Variants in ATP6V1A observed in about 807,000 individuals in gnomAD.
The protein encoded by ATP6V1A is ATPase H+ transporting V1 subunit A, also known as V-type proton ATPase catalytic subunit A.
Under a neutral mutation model 70.1 loss-of-function variants are expected in ATP6V1A, and 18 were observed. The observed-to-expected ratio is 0.26, with a 90% CI of 0.18 to 0.38. ATP6V1A has a LOEUF of 0.38. ATP6V1A is among the 10% of genes least tolerant of loss of function. The probability of loss-of-function intolerance (pLI) is 1.00; values close to 1 mark genes in which losing one functional copy is unlikely to be tolerated. For missense variants in ATP6V1A, 424 were observed against 772.4 expected, an observed-to-expected ratio of 0.55 and a Z score of 5.35; for synonymous variants, 232 against 253.8, an observed-to-expected ratio of 0.91 and a Z score of 0.82.
intron 8 of ATP6V1A, among the ~76,000 whole-genome samples, chr3:113,790,539 A>C (rs755789178): frequency 6.6e-6 from 1 of 152,206 alleles, no homozygotes; most frequent in African/African-American, 2.4e-5. Context: ...AAGACAATTC[A>C]TGTGTTAATG....
chr3:113,804,511 C>T (rs955018388), intron 13 of ATP6V1A, among the ~76,000 whole-genome samples: 27 of 152,032 alleles, frequency 1.8e-4, no homozygotes, highest in African/African-American at 6.0e-4. Context: ...GAGAATTTAG[C>T]CCTTTCATGC....
intron 1 of ATP6V1A, among the ~76,000 whole-genome samples, chr3:113,754,030 C>T (rs1249771825): frequency 6.6e-6 from 1 of 151,966 alleles, no homozygotes; most frequent in Non-Finnish European, 1.5e-5. Flanking sequence ...CTGGTTGTCA[C>T]CGTTGGAAAG....
In ATP6V1A at chr3:113,795,959, A is replaced by G. The variant is rs776077002; in HGVS notation, c.1290+20A>G. The G allele has an allele frequency of 1.9e-6, 3 of 1,590,446 alleles. No individual in the cohort carries two copies. Among genetic ancestry groups the G allele is most frequent in the Non-Finnish European group, 2.6e-6 (3 of 1,167,950 alleles). On this transcript the variant is annotated intron_variant, in intron 11 of 14. Coordinates refer to ENST00000273398, the MANE Select transcript of ATP6V1A (RefSeq NM_001690.4). ...GTTCAGGTATGTCTTTCCCTAGTAT[A>G]GTCAACTTCTGAGCCTTTCCTCCTC...
chr3:113,784,970 T>G, intron 5 of ATP6V1A, 137 bp downstream of exon 5: 2 of 953,028 alleles, frequency 2.1e-6, no homozygotes, highest in African/African-American at 3.4e-5. Flanking sequence ...TTTTGAAAGT[T>G]TTTGTTTGTT....
intron 1 of ATP6V1A, among the ~76,000 whole-genome samples, chr3:113,759,575 A>T (rs1708679506): frequency 1.3e-5 from 2 of 151,964 alleles, no homozygotes; most frequent in Non-Finnish European, 2.9e-5. Context: ...TAAAATTATA[A>T]CTTAATAAAT....
At chr3:113,752,051 GT>G (rs1362761061) in intron 1 of ATP6V1A, among the ~76,000 whole-genome samples, 3 of 151,794 alleles carry the variant, frequency 2.0e-5, no homozygotes, top group African/African-American at 7.2e-5. Context: ...AAAAATTTCA[GT>G]TTTGGATCTT....
chr3:113,755,424 GT>G (rs1412162422), intron 1 of ATP6V1A, among the ~76,000 whole-genome samples: 2 of 133,176 alleles, frequency 1.5e-5, no homozygotes, highest in African/African-American at 5.7e-5. Flanking sequence ...GCAAAACCAT[GT>G]CTGTACAAAA....
In ATP6V1A at chr3:113,747,057, T is replaced by TGGTGACAGCCTCTGGGTCCTC. The variant is rs1332605804; in HGVS notation, c.-66_-46dup. On this transcript the variant is annotated 5_prime_UTR_variant, in exon 1 of 15. Transcript: ENST00000273398. ...TGTGCAGCTGAGGACTTCCCCTCCG[T>TGGTGACAGCCTCTGGGTCCTC]GGTGACAGCCTCTGGGTCCTCGGTC... The TGGTGACAGCCTCTGGGTCCTC allele has an allele frequency of 2.7e-5, 3 of 109,372 alleles. No homozygotes were observed. Among genetic ancestry groups the TGGTGACAGCCTCTGGGTCCTC allele is most frequent in the Admixed American group, 2.9e-4 (2 of 6,864 alleles). 6.8% of individuals were successfully genotyped at this position (109,372 alleles called of 1,614,324 possible).
intron 1 of ATP6V1A, 53 bp from the exon 2 acceptor site, chr3:113,778,688 C>A: frequency 8.9e-7 from 1 of 1,125,512 alleles, no homozygotes; most frequent in Non-Finnish European, 1.2e-6. Flanking sequence ...TATTTTGGGT[C>A]TTTTGCTTTA....
intron 1 of ATP6V1A, among the ~76,000 whole-genome samples, chr3:113,762,407 A>G (rs1407687858): frequency 6.6e-6 from 1 of 152,130 alleles, no homozygotes; most frequent in Non-Finnish European, 1.5e-5. Flanking sequence ...TGTCTCCACT[A>G]AAAATACAAA....
chr3:113,752,113 T>C (rs1428533346), intron 1 of ATP6V1A, among the ~76,000 whole-genome samples: 1 of 151,944 alleles, frequency 6.6e-6, no homozygotes, highest in Non-Finnish European at 1.5e-5. Flanking sequence ...AAAAATTTTA[T>C]CTGCAACATG....
chr3:113,787,893 C>T (rs1379232191), intron 6 of ATP6V1A, among the ~76,000 whole-genome samples: 3 of 152,232 alleles, frequency 2.0e-5, no homozygotes, highest in South Asian at 2.1e-4. Flanking sequence ...AAGCGTAAAC[C>T]GTCTCCTATC....
chr3:113,799,221 G>C (rs1709184143), intron 12 of ATP6V1A, among the ~76,000 whole-genome samples: 1 of 152,084 alleles, frequency 6.6e-6, no homozygotes, highest in Admixed American at 6.6e-5. Flanking sequence ...ATGAGGTCTA[G>C]TAGGATATTA....
chr3:113,755,561 A>G (rs1304545269), intron 1 of ATP6V1A, among the ~76,000 whole-genome samples: 1 of 152,174 alleles, frequency 6.6e-6, no homozygotes, highest in Middle Eastern at 3.2e-3. Flanking sequence ...AGATCGTGCC[A>G]CTGCAGACCC....
chr3:113,785,478 G>C (rs564146998), intron 5 of ATP6V1A, among the ~76,000 whole-genome samples: 1 of 149,520 alleles, frequency 6.7e-6, no homozygotes, highest in Non-Finnish European at 1.5e-5. Context: ...TTATATAATG[G>C]ATTATTTGAA....
Position 113,809,757 on chromosome 3 carries a change from G to A in ATP6V1A, c.*330G>A. On this transcript the variant is annotated 3_prime_UTR_variant, in exon 15 of 15. Coordinates refer to ENST00000273398, the MANE Select transcript of ATP6V1A (RefSeq NM_001690.4). ...ACCCTTTCCTCATCTCTATTAAATT[G>A]TAAACAGGACTACTGCATGTACTCT... 1 of 172,408 alleles carries A rather than the reference G, an allele frequency of 5.8e-6. No individual in the cohort carries two copies. Among genetic ancestry groups the A allele is most frequent in the Non-Finnish European group, 1.3e-5 (1 of 79,330 alleles). 10.7% of individuals were successfully genotyped at this position (172,408 alleles called of 1,614,324 possible). A position where few individuals can be genotyped will look rare whatever the true frequency, so the allele number is the denominator to read the frequency against.
chr3:113,786,869 C>T lies in ATP6V1A; in HGVS notation c.716+486C>T, dbSNP rs1020814300. Among the ~76,000 whole-genome samples, 138 of 151,968 alleles carry T rather than the reference C, an allele frequency of 9.1e-4. 1 individual carries two copies. The highest frequency in any genetic ancestry group is 2.6e-3 in the Admixed American group (40 of 15,258). On this transcript the variant is annotated intron_variant, in intron 6 of 14. Transcript: ENST00000273398. ...TCAGCTCACTGCAACCTCTGCCTCC[C>T]AGCTCAAGCAATCCTCCTCCTGCCT...
chr3:113,789,839 T>G lies in ATP6V1A; in HGVS notation c.987T>G (p.Thr329=), dbSNP rs1709073139. 1 of 1,583,560 alleles carries G rather than the reference T, an allele frequency of 6.3e-7. No homozygotes were observed. Among genetic ancestry groups the G allele is most frequent in the Non-Finnish European group, 8.7e-7 (1 of 1,152,360 alleles). The change falls in exon 8 of 15, where the codon ACT becomes ACG. Residue 329 remains threonine (T), a splice_region_variant and synonymous_variant. Transcript: ENST00000273398. ...PVAAREASIY[T]GITLSEYFRD... ...CTGCTAGAGAAGCCTCTATTTATAC[T>G]GGTGAGTATATAATTGGAATAAAAG...
chr3:113,755,379 G>A (rs12636536), intron 1 of ATP6V1A, among the ~76,000 whole-genome samples: 50,889 of 149,290 alleles, frequency 0.34, 8,795 homozygotes, highest in East Asian at 0.36. Context: ...CGATGCAGGC[G>A]GATTGCTTGA....
Sources: allele counts gnomAD v4.1 joint callset (sites outside exome capture counted in the v4.1 genomes callset), GRCh38; gene constraint gnomAD v4.1.1; transcripts MANE v1.5; gene names NCBI Gene and HGNC (gene_info 2026-07-23, HGNC 2026-07-21).